The following CD4 variants were observed in gnomAD, a reference collection of about 807,000 sequenced individuals.
The protein encoded by CD4 is T-cell surface glycoprotein CD4.
CD4 carries 25 observed loss-of-function variants against 50.5 expected under a neutral mutation model. That is an observed-to-expected ratio of 0.49 (90% CI 0.36 to 0.69). The LOEUF (loss-of-function observed/expected upper bound fraction) is 0.69. CD4 is among the 30% of genes least tolerant of loss of function. The pLI is 0.00. For synonymous variants in CD4, 207 were observed against 221.9 expected (o/e 0.93, Z 0.60); for missense variants, 456 against 548.5 (o/e 0.83, Z 1.68).
chr12:6,791,466 CTCCTGGCCTCAAAT>C (rs1942159456), intron 1 of CD4, among the ~76,000 whole-genome samples: 1 of 152,212 alleles, frequency 6.6e-6, no homozygotes, highest in Non-Finnish European at 1.5e-5. Flanking sequence ...TGGCCTCAAA[CTCCTGGCCTCAAAT>C]GATCCGCCCG....
Position 6,818,828 on chromosome 12 carries a change from C to T in CD4, c.1279-19C>T, listed in dbSNP as rs782672363. 1.9e-6 allele frequency: 3 copies of T among 1,612,016 alleles called. No individual in the cohort carries two copies. Among genetic ancestry groups the T allele is most frequent in the African/African-American group, 1.3e-5 (1 of 74,874 alleles). The stretch of plus-strand genomic sequence containing the variant: ...GGAGGCCTGGGACCCTCGTGACTCC[C>T]TTTCTTGTCCCTGGACAGCGCCAAG... On this transcript the variant is annotated intron_variant, in intron 8 of 9. Coordinates refer to ENST00000011653, the MANE Select transcript of CD4 (RefSeq NM_000616.5). This position sits in a 1 kb window ranked among gnomAD's most constrained non-coding sequence, Gnocchi z 5.0.
chr12:6,791,046 C>T (rs1046042747), intron 1 of CD4, among the ~76,000 whole-genome samples: 4 of 152,302 alleles, frequency 2.6e-5, no homozygotes, highest in South Asian at 2.1e-4. Flanking sequence ...CTGAGGACAG[C>T]GTTAGAGACA....
Position 6,816,010 on chromosome 12 carries a change from C to T in CD4, c.608-46C>T, listed in dbSNP as rs202056464. On this transcript the variant is annotated intron_variant, in intron 5 of 9. Transcript: ENST00000011653. The surrounding 1 kb of genome is among the most constrained non-coding windows in gnomAD (Gnocchi z 4.9). ...CATGCCAACCCCACTCGTGCACCCT[C>T]ATCTTCCTATCTCCTCACCCAGGGT... is the stretch of plus-strand genomic sequence containing the variant. The T allele has an allele frequency of 7.4e-6, 12 of 1,611,656 alleles. No homozygotes were observed. Among genetic ancestry groups the T allele is most frequent in the South Asian group, 1.1e-5 (1 of 90,590 alleles).
chr12:6,811,172 T>TGG (rs1942925570), intron 3 of CD4, among the ~76,000 whole-genome samples: 1 of 152,164 alleles, frequency 6.6e-6, no homozygotes, highest in African/African-American at 2.4e-5. Flanking sequence ...GTGAGAGGCT[T>TGG]TAGTCTTAGC....
rs141859554 is a variant in CD4 at position 6,791,282 on chromosome 12, G to A, written c.-68+1620G>A. On this transcript the variant is annotated intron_variant, in intron 1 of 9. Transcript: ENST00000011653. ...TTTTGAGACGGAGTCTCGCTCTCTT[G>A]CCCAGGCTGGAGTGCAATGACGTGA... is the stretch of plus-strand genomic sequence containing the variant. Among the ~76,000 whole-genome samples the A allele has an allele frequency of 1.1e-4, 17 of 152,226 alleles. 1 individual carries two copies. The highest frequency in any genetic ancestry group is 4.1e-4 in the African/African-American group (17 of 41,536).
intron 3 of CD4, among the ~76,000 whole-genome samples, chr12:6,809,157 C>T (rs1942858046): frequency 6.6e-6 from 1 of 152,046 alleles, no homozygotes. Flanking sequence ...TGCTTCAATC[C>T]CTGGTTTCCT....
chr12:6,798,716 C>T (rs1942451836), intron 1 of CD4, among the ~76,000 whole-genome samples: 3 of 152,208 alleles, frequency 2.0e-5, no homozygotes, highest in Admixed American at 1.3e-4. Context: ...TTCTTGGGAA[C>T]GTCACCTTAG....
intron 3 of CD4, among the ~76,000 whole-genome samples, chr12:6,808,287 A>T (rs1942831573): frequency 1.3e-5 from 2 of 150,206 alleles, no homozygotes. Flanking sequence ...CCCCGTCTCT[A>T]CTAAAATACA....
chr12:6,809,896 T>C (rs1263963503), intron 3 of CD4, among the ~76,000 whole-genome samples: 1 of 143,130 alleles, frequency 7.0e-6, no homozygotes, highest in Non-Finnish European at 1.5e-5. Flanking sequence ...ACCTCTTTTT[T>C]TTTTTTTTTT....
At position 6,803,551 on chromosome 12, in the gene CD4, G is replaced by A. The variant is rs782619688; in HGVS notation, c.214+3080G>A. On this transcript the variant is annotated intron_variant, in intron 3 of 9. Transcript: ENST00000011653. ...TGTAATCCCAGCACTTTGGGAGGCT[G>A]TGGCAGGCGGATCACGAGGTCAGGA... is the stretch of plus-strand genomic sequence containing the variant. Among the ~76,000 whole-genome samples, 5 of 150,726 alleles carry A rather than the reference G, an allele frequency of 3.3e-5. No homozygotes were observed. The East Asian group carries it at 9.8e-4, about 30-fold the overall frequency.
intron 1 of CD4, among the ~76,000 whole-genome samples, chr12:6,794,786 G>GTTTTTT (rs1220016459): frequency 3.8e-5 from 4 of 105,370 alleles, no homozygotes; most frequent in Non-Finnish European, 7.5e-5. Flanking sequence ...TTTTTTTTTT[G>GTTTTTT]TTTTTTTTTT....
chr12:6,815,011 C>T lies in CD4; in HGVS notation c.607+19C>T, dbSNP rs782301761. On this transcript the variant is annotated intron_variant, in intron 5 of 9. Transcript: ENST00000011653. Reference sequence around the variant, plus strand: ...GTGCTAGGTAAGGGAAGCCCCTCTTCGCGCAGTCTCCTCCCTGCCCCAGGG... The same window carrying T: ...GTGCTAGGTAAGGGAAGCCCCTCTTTGCGCAGTCTCCTCCCTGCCCCAGGG... 6.5e-6 allele frequency: 10 copies of T among 1,538,316 alleles called. No homozygotes were observed. The highest frequency in any genetic ancestry group is 2.3e-5 in the South Asian group (2 of 88,634).
At chr12:6,815,121 A>T in intron 5 of CD4, 129 bp downstream of exon 5, 2 of 688,356 alleles carry the variant, frequency 2.9e-6, no homozygotes, top group Non-Finnish European at 5.1e-6. Context: ...TAGGTCCCCT[A>T]GAGCTGAGGC....
rs1942189608 is a variant in CD4 at position 6,792,461 on chromosome 12, C to T, written c.-68+2799C>T. ...TCCTCTTTTTTTGTACTACCCTGCG[C>T]TTTGTGTGTGATTGTGGATTGTGTG... On this transcript the variant is annotated intron_variant, in intron 1 of 9. Coordinates refer to ENST00000011653, the MANE Select transcript of CD4 (RefSeq NM_000616.5). The surrounding 1 kb of genome is among the most constrained non-coding windows in gnomAD (Gnocchi z 4.1). Among the ~76,000 whole-genome samples the T allele has an allele frequency of 6.6e-6, 1 of 152,160 alleles. No individual in the cohort carries two copies. Among genetic ancestry groups the T allele is most frequent in the African/African-American group, 2.4e-5 (1 of 41,420 alleles).
intron 3 of CD4, among the ~76,000 whole-genome samples, chr12:6,810,432 A>C (rs1425533637): frequency 6.6e-6 from 1 of 152,200 alleles, no homozygotes; most frequent in Non-Finnish European, 1.5e-5. Flanking sequence ...CAGGATATTA[A>C]CATAAACTTA....
chr12:6,795,322 C>A (rs965951393), intron 1 of CD4, among the ~76,000 whole-genome samples: 8 of 76,210 alleles, frequency 1.0e-4, no homozygotes, highest in African/African-American at 2.4e-4. Flanking sequence ...ACCTACCTGT[C>A]TATCTCAAGC....
chr12:6,807,619 G>A (rs1276493643), intron 3 of CD4, among the ~76,000 whole-genome samples: 5 of 152,106 alleles, frequency 3.3e-5, no homozygotes, highest in African/African-American at 1.2e-4. Context: ...TTATGGCGCC[G>A]GAAATGTTCT....
At position 6,819,322 on chromosome 12, in the gene CD4, C is replaced by T; in HGVS notation, c.1370C>T (p.Pro457Leu). Residue 457 changes from proline (P) to leucine (L), a missense_variant, in exon 10 of 10, where the codon CCC becomes CTC. Pro to Leu is a moderately conservative substitution (Grantham distance 98). Coordinates refer to ENST00000011653, the MANE Select transcript of CD4 (RefSeq NM_000616.5). ...CPHRFQKTCS[P>L]I is the part of the protein sequence containing the mutation. ...AGCCGGTTTCAGAAGACATGTAGCCCCATTTGAGGCACGAGGCCAGGCAGA... is the reference window on the plus strand; with the variant it reads ...AGCCGGTTTCAGAAGACATGTAGCCTCATTTGAGGCACGAGGCCAGGCAGA... The T allele has an allele frequency of 6.2e-7, 1 of 1,614,090 alleles. No individual in the cohort carries two copies. Among genetic ancestry groups the T allele is most frequent in the Non-Finnish European group, 8.5e-7 (1 of 1,179,976 alleles).
rs1555114974 is a variant in CD4 at position 6,800,174 on chromosome 12, G to T, written c.36G>T (p.Leu12=). ...NRGVPFRHLL[L]VLQLALLPAA... is the part of the protein sequence containing the mutation. ...GAGTCCCTTTTAGGCACTTGCTTCT[G>T]GTGCTGCAACTGGGTAAGTTCTCAG... Residue 12 remains leucine, a synonymous_variant, in exon 2 of 10, where the codon CTG becomes CTT. Transcript: ENST00000011653. The T allele has an allele frequency of 6.2e-7, 1 of 1,613,470 alleles. No individual in the cohort carries two copies. Among genetic ancestry groups the T allele is most frequent in the Admixed American group, 1.7e-5 (1 of 59,890 alleles).
Sources: allele counts gnomAD v4.1 joint callset (sites outside exome capture counted in the v4.1 genomes callset), GRCh38; gene constraint gnomAD v4.1.1; non-coding constraint Gnocchi (gnomAD v3.1); transcripts MANE v1.5; gene names NCBI Gene and HGNC (gene_info 2026-07-23, HGNC 2026-07-21).